The following PTPMT1 variants were observed in gnomAD, a reference collection of about 807,000 sequenced individuals.
PTPMT1 encodes protein tyrosine phosphatase mitochondrial 1, also known as phosphatidylglycerophosphatase and protein-tyrosine phosphatase 1.
In PTPMT1, 12 loss-of-function variants were observed where a neutral mutation model predicts 17.8. The observed-to-expected ratio is 0.67, with a 90% CI of 0.43 to 1.09. The LOEUF is 1.09. Among genes scored for constraint, PTPMT1 ranks in the 50% least tolerant of loss-of-function variants. PTPMT1 has a pLI of 0.00. For missense variants in PTPMT1, 262 were observed against 266.0 expected, an observed-to-expected ratio of 0.99 and a Z score of 0.10; for synonymous variants, 132 against 116.8, an observed-to-expected ratio of 1.13 and a Z score of -0.84.
At chr11:47,569,254 C>T (rs1319061779) in intron 2 of PTPMT1, among the ~76,000 whole-genome samples, 15 of 151,908 alleles carry the variant, frequency 9.9e-5, no homozygotes, top group Admixed American at 2.0e-4. Context: ...GGCTTGGTGG[C>T]GCGTGCCTGT....
In PTPMT1 at chr11:47,571,504, G is replaced by A. The variant is rs1386448021; in HGVS notation, c.481G>A (p.Ala161Thr). 1 of 1,614,024 alleles carries A rather than the reference G, an allele frequency of 6.2e-7. No homozygotes were observed. The highest frequency in any genetic ancestry group is 8.5e-7 in the Non-Finnish European group (1 of 1,180,004). The change falls in exon 4 of 4, where the codon GCC (alanine) becomes ACC (threonine). Residue 161 changes from alanine to threonine, a missense_variant. Transcript: ENST00000326674. ...ATGGAGTCCAGAGGAGGCTGTAAGA[G>A]CCATCGCCAAGATCCGGTCATACAT... Reference protein sequence around the residue: ...HKWSPEEAVRAIAKIRSYIHI... With the variant: ...HKWSPEEAVRTIAKIRSYIHI...
chr11:47,573,033 T>C lies in PTPMT1; in HGVS notation c.*1404T>C. The C allele has an allele frequency of 6.2e-7, 1 of 1,614,138 alleles. No individual in the cohort carries two copies. Among genetic ancestry groups the C allele is most frequent in the Non-Finnish European group, 8.5e-7 (1 of 1,180,014 alleles). Reference sequence around the variant, plus strand: ...AAGCTTGTAGGTGTTGGCATCCCCCTTTTTATATCGGTCCCGGAAGACATA... The same window carrying C: ...AAGCTTGTAGGTGTTGGCATCCCCCCTTTTATATCGGTCCCGGAAGACATA... On this transcript the variant is annotated 3_prime_UTR_variant, in exon 4 of 4. Transcript: ENST00000326674. This position sits in a 1 kb window ranked among gnomAD's most constrained non-coding sequence, Gnocchi z 4.1.
intron 2 of PTPMT1, among the ~76,000 whole-genome samples, chr11:47,567,513 G>T (rs1416665795): frequency 6.6e-6 from 1 of 151,234 alleles, no homozygotes; most frequent in Non-Finnish European, 1.5e-5. Flanking sequence ...AAGTCTTAAA[G>T]CATAAAGTTT....
In PTPMT1 at chr11:47,569,858, G is replaced by C; in HGVS notation, c.414G>C (p.Arg138Ser). 6.2e-7 allele frequency: 1 copy of C among 1,613,606 alleles called. No homozygotes were observed. Residue 138 changes from arginine (R) to serine (S), a missense_variant, in exon 3 of 4, where the codon AGG becomes AGC. Coordinates refer to ENST00000326674, the MANE Select transcript of PTPMT1 (RefSeq NM_175732.3). Reference sequence around the variant, plus strand: ...TGCATTGTAAGGCTGGGCGCTCCAGGAGTGCCACTATGGTGGCAGCATACC... The same window carrying C: ...TGCATTGTAAGGCTGGGCGCTCCAGCAGTGCCACTATGGTGGCAGCATACC... ...VYVHCKAGRS[R>S]SATMVAAYLI...
chr11:47,572,322 A>G lies in PTPMT1; in HGVS notation c.*693A>G, dbSNP rs758801128. On this transcript the variant is annotated 3_prime_UTR_variant, in exon 4 of 4. Coordinates refer to ENST00000326674, the MANE Select transcript of PTPMT1 (RefSeq NM_175732.3). ...TTTCTGCTATTAATCAGAAATAATC[A>G]TTTCTATTTTCTGGCTTACCCCTTG... is the stretch of plus-strand genomic sequence containing the variant. 3.9e-5 allele frequency: 6 copies of G among 152,926 alleles called. No homozygotes were observed. The highest frequency in any genetic ancestry group is 1.4e-4 in the African/African-American group (6 of 41,466). 9.5% of individuals were successfully genotyped at this position (152,926 alleles called of 1,614,324 possible). A position where few individuals can be genotyped will look rare whatever the true frequency, so the allele number is the denominator to read the frequency against.
At position 47,573,224 on chromosome 11, in the gene PTPMT1, G is replaced by C; in HGVS notation, c.*1595G>C. The C allele has an allele frequency of 6.2e-7, 1 of 1,614,140 alleles. No individual in the cohort carries two copies. Among genetic ancestry groups the C allele is most frequent in the Non-Finnish European group, 8.5e-7 (1 of 1,180,038 alleles). ...CTTTATGCACAGCTGCGTGCATGCG[G>C]CCTGCAAAGGGCAGCACATAGGGCT... On this transcript the variant is annotated 3_prime_UTR_variant, in exon 4 of 4. Transcript: ENST00000326674. The surrounding 1 kb of genome is among the most constrained non-coding windows in gnomAD (Gnocchi z 4.1).
chr11:47,565,659 C>A lies in PTPMT1; in HGVS notation c.37C>A (p.Arg13=). The A allele has an allele frequency of 7.2e-7, 1 of 1,385,204 alleles. No individual in the cohort carries two copies. The allele number at this position is 1,385,204 out of a possible 1,614,324, so 85.8% of individuals were successfully genotyped here. ...CGCGCTGCTGGAGGCCGGCCTGGCG[C>A]GGGTGCTCTTCTACCCGACGCTGCT... ...ATALLEAGLA[R]VLFYPTLLYT... Residue 13 remains arginine, a synonymous_variant, in exon 1 of 4, where the codon CGG becomes AGG. Coordinates refer to ENST00000326674, the MANE Select transcript of PTPMT1 (RefSeq NM_175732.3).
At chr11:47,566,114 T>C (rs2097243688) in intron 2 of PTPMT1, 128 bp downstream of exon 2, 3 of 1,065,374 alleles carry the variant, frequency 2.8e-6, no homozygotes, top group South Asian at 3.6e-5. Context: ...CAAGCTGCTT[T>C]GCCTCCGGTC....
Position 47,565,603 on chromosome 11 carries a change from C to A in PTPMT1, c.-20C>A, listed in dbSNP as rs2097242292. 1.6e-6 allele frequency: 2 copies of A among 1,263,308 alleles called. No individual in the cohort carries two copies. Among genetic ancestry groups the A allele is most frequent in the East Asian group, 3.2e-5 (1 of 31,150 alleles). The allele number at this position is 1,263,308 out of a possible 1,614,324, so 78.3% of individuals were successfully genotyped here. On this transcript the variant is annotated 5_prime_UTR_variant, in exon 1 of 4. Transcript: ENST00000326674. ...ACCGCGAGCGCGGGGGCCGACGGGT[C>A]GCCGCTGCGCCGGGCCGGGATGGCG...
At chr11:47,569,347 C>T (rs2097248186) in intron 2 of PTPMT1, among the ~76,000 whole-genome samples, 1 of 142,780 alleles carries the variant, frequency 7.0e-6, no homozygotes, top group East Asian at 2.1e-4. Context: ...GATCACGCCA[C>T]TGTACTACAG....
rs1037012044 is a variant in PTPMT1 at position 47,571,440 on chromosome 11, T to C, written c.448-31T>C. 4 of 1,607,992 alleles carry C rather than the reference T, an allele frequency of 2.5e-6. No individual in the cohort carries two copies. In the Admixed American group the frequency reaches 5.1e-5, roughly 20 times the overall value. On this transcript the variant is annotated intron_variant, in intron 3 of 3. Coordinates refer to ENST00000326674, the MANE Select transcript of PTPMT1 (RefSeq NM_175732.3). ...GCACCTTGACACCTGCTTCTTTCTT[T>C]CTCTGCTGATTTCCCAACCCTGTAC...
chr11:47,570,329 T>C (rs1277522444), intron 3 of PTPMT1, among the ~76,000 whole-genome samples: 2 of 152,198 alleles, frequency 1.3e-5, no homozygotes, highest in Non-Finnish European at 2.9e-5. Flanking sequence ...TTTGGTATGA[T>C]GGAAAGCACC....
rs2097251200 is a variant in PTPMT1, at chr11:47,572,639, CT to C, written c.*1011del. On this transcript the variant is annotated 3_prime_UTR_variant, in exon 4 of 4. Coordinates refer to ENST00000326674, the MANE Select transcript of PTPMT1 (RefSeq NM_175732.3). ...ACATTGATCAGGTAAAGAGGAGAGG[CT>C]GTGCCTAAGGTCTGAGAAAAGGCTT... 1 of 429,590 alleles carries C rather than the reference CT, an allele frequency of 2.3e-6. No homozygotes were observed. The highest frequency in any genetic ancestry group is 4.2e-6 in the Non-Finnish European group (1 of 239,094). The allele number at this position is 429,590 out of a possible 1,614,324, so 26.6% of individuals were successfully genotyped here.
Position 47,572,860 on chromosome 11 carries a change from G to T in PTPMT1, c.*1231G>T. On this transcript the variant is annotated 3_prime_UTR_variant, in exon 4 of 4. Transcript: ENST00000326674. ...CAAAAAAAACATAACTCTGAATTGG[G>T]GCCCAGGGGACTTTGAGTTTGTATG... 2 of 1,507,732 alleles carry T rather than the reference G, an allele frequency of 1.3e-6. No homozygotes were observed. Among genetic ancestry groups the T allele is most frequent in the Non-Finnish European group, 1.8e-6 (2 of 1,114,310 alleles). 93.4% of individuals were successfully genotyped at this position (1,507,732 alleles called of 1,614,324 possible).
chr11:47,566,715 G>A (rs529848936), intron 2 of PTPMT1, among the ~76,000 whole-genome samples: 35 of 152,154 alleles, frequency 2.3e-4, no homozygotes, highest in Non-Finnish European at 3.4e-4. Context: ...ACTGTAAGAC[G>A]AAAAGCACCC....
intron 2 of PTPMT1, among the ~76,000 whole-genome samples, chr11:47,567,271 TG>T (rs1256630749): frequency 1.3e-5 from 2 of 151,864 alleles, no homozygotes; most frequent in Non-Finnish European, 2.9e-5. Context: ...CCGGGCGTGG[TG>T]GCAGGCGCCT....
At chr11:47,566,806 G>A (rs1237195244) in intron 2 of PTPMT1, among the ~76,000 whole-genome samples, 1 of 152,096 alleles carries the variant, frequency 6.6e-6, no homozygotes, top group Non-Finnish European at 1.5e-5. Context: ...TGATTTGGGG[G>A]AATTTTTAGT....
intron 2 of PTPMT1, among the ~76,000 whole-genome samples, chr11:47,567,559 C>CTTTTTTTTT (rs370022255): frequency 2.6e-5 from 3 of 116,174 alleles, no homozygotes; most frequent in Non-Finnish European, 5.3e-5. Flanking sequence ...TATTTCTTTT[C>CTTTTTTTTT]TTTTTTTTTT....
Position 47,571,866 on chromosome 11 carries a change from A to T in PTPMT1, c.*237A>T. The T allele has an allele frequency of 2.4e-6, 1 of 420,688 alleles. No individual in the cohort carries two copies. The highest frequency in any genetic ancestry group is 4.2e-6 in the Non-Finnish European group (1 of 236,074). 26.1% of individuals were successfully genotyped at this position (420,688 alleles called of 1,614,324 possible). A position where few individuals can be genotyped will look rare whatever the true frequency, so the allele number is the denominator to read the frequency against. The stretch of plus-strand genomic sequence containing the variant: ...TGGGATACAGGACAGGGATGGGGCT[A>T]TCATCTTTTCTTGAATAGGGCTAAA... On this transcript the variant is annotated 3_prime_UTR_variant, in exon 4 of 4. Transcript: ENST00000326674.
Sources: allele counts gnomAD v4.1 joint callset (sites outside exome capture counted in the v4.1 genomes callset), GRCh38; gene constraint gnomAD v4.1.1; non-coding constraint Gnocchi (gnomAD v3.1); transcripts MANE v1.5; gene names NCBI Gene and HGNC (gene_info 2026-07-23, HGNC 2026-07-21).